Variants in DLG2 observed in about 807,000 individuals in gnomAD.
DLG2 encodes disks large homolog 2.
DLG2 carries 45 observed loss-of-function variants against 132.5 expected under a neutral mutation model. The observed-to-expected ratio is 0.34, with a 90% CI of 0.27 to 0.44. The LOEUF (loss-of-function observed/expected upper bound fraction) is 0.44, where lower values mean the gene tolerates loss of function less well. Among genes scored for constraint, DLG2 ranks in the 20% least tolerant of loss-of-function variants. DLG2 has a pLI of 1.00. For synonymous variants in DLG2, 424 were observed against 419.6 expected, an observed-to-expected ratio of 1.01 and a Z score of -0.13; for missense variants, 1,045 against 1,196.9, an observed-to-expected ratio of 0.87 and a Z score of 1.87.
intron 5 of DLG2, among the ~76,000 whole-genome samples, chr11:85,141,770 C>T (rs531162795): frequency 2.6e-5 from 4 of 151,586 alleles, no homozygotes; most frequent in South Asian, 2.1e-4. Flanking sequence ...TTTTTCTGCA[C>T]ATGGATATCC....
chr11:84,656,388 C>A (rs547927982), intron 6 of DLG2, among the ~76,000 whole-genome samples: 17 of 152,204 alleles, frequency 1.1e-4, no homozygotes, highest in Middle Eastern at 3.4e-3. Context: ...AAAGGCTACT[C>A]AGTATATTAA....
intron 4 of DLG2, among the ~76,000 whole-genome samples, chr11:85,234,201 G>A (rs767117017): frequency 1.3e-5 from 2 of 151,844 alleles, no homozygotes; most frequent in African/African-American, 2.4e-5. Flanking sequence ...AACAAACAGA[G>A]TCTAATATAA....
intron 7 of DLG2, among the ~76,000 whole-genome samples, chr11:84,252,853 G>A (rs1335956006): frequency 6.6e-6 from 1 of 152,150 alleles, no homozygotes; most frequent in Non-Finnish European, 1.5e-5. Context: ...ATACGACATG[G>A]TGGTTTTGGA....
At chr11:84,517,058 TA>T (rs36091027) in intron 7 of DLG2, among the ~76,000 whole-genome samples, 35,029 of 112,026 alleles carry the variant, frequency 0.31, 4,751 homozygotes, top group South Asian at 0.44. Flanking sequence ...TATTCTATCC[TA>T]AAAAAAAAAA....
chr11:83,721,713 T>C (rs1234653259), intron 18 of DLG2, among the ~76,000 whole-genome samples: 1 of 152,224 alleles, frequency 6.6e-6, no homozygotes, highest in African/African-American at 2.4e-5. Flanking sequence ...CAACGAATTA[T>C]AGAAGATACA....
chr11:84,027,065 T>C (rs7126654), intron 11 of DLG2, among the ~76,000 whole-genome samples: 1,826 of 152,084 alleles, frequency 0.012, 39 homozygotes, highest in African/African-American at 0.042. Context: ...TGCTAGGAGG[T>C]TCCCCAGCTA....
At chr11:84,956,811 A>T (rs2051745201) in intron 6 of DLG2, among the ~76,000 whole-genome samples, 2 of 152,222 alleles carry the variant, frequency 1.3e-5, no homozygotes, top group South Asian at 4.1e-4. Flanking sequence ...ACATGCTACC[A>T]TGTGAAGTAT....
intron 6 of DLG2, among the ~76,000 whole-genome samples, chr11:84,614,059 G>A (rs889827237): frequency 2.0e-5 from 3 of 152,194 alleles, no homozygotes; most frequent in African/African-American, 4.8e-5. Context: ...AACAGTTTCA[G>A]TGAAGTAAGA....
At chr11:83,971,853 A>C (rs2091407281) in intron 12 of DLG2, among the ~76,000 whole-genome samples, 1 of 152,196 alleles carries the variant, frequency 6.6e-6, no homozygotes, top group South Asian at 2.1e-4. Context: ...CTATTATAAT[A>C]AAATGTATTC....
At chr11:84,648,768 CAT>C (rs1491112955) in intron 6 of DLG2, among the ~76,000 whole-genome samples, 7 of 142,058 alleles carry the variant, frequency 4.9e-5, no homozygotes, top group East Asian at 4.0e-4. Context: ...TCTATATATA[CAT>C]GTGTGTGTAT....
intron 3 of DLG2, among the ~76,000 whole-genome samples, chr11:85,396,941 C>T (rs2087443358): frequency 6.6e-6 from 1 of 152,140 alleles, no homozygotes; most frequent in Non-Finnish European, 1.5e-5. Flanking sequence ...CACAAAGATA[C>T]TCCTCGAGAA....
chr11:85,415,339 T>C (rs917746347), intron 3 of DLG2, among the ~76,000 whole-genome samples: 3 of 152,228 alleles, frequency 2.0e-5, no homozygotes, highest in Non-Finnish European at 4.4e-5. Context: ...TGTGTCTTTA[T>C]AGTAGAATGA....
At chr11:85,058,498 C>T (rs2063695712) in intron 6 of DLG2, among the ~76,000 whole-genome samples, 1 of 151,450 alleles carries the variant, frequency 6.6e-6, no homozygotes, top group East Asian at 1.9e-4. Context: ...GAATTCACAA[C>T]CAAAATCGCA....
intron 15 of DLG2, among the ~76,000 whole-genome samples, chr11:83,922,085 T>C (rs888279115): frequency 5.9e-5 from 9 of 152,178 alleles, no homozygotes; most frequent in African/African-American, 2.2e-4. Flanking sequence ...GTCCTTTACA[T>C]TACAAAATGT....
At chr11:85,028,298 G>A (rs530570174) in intron 6 of DLG2, among the ~76,000 whole-genome samples, 3 of 152,246 alleles carry the variant, frequency 2.0e-5, no homozygotes, top group South Asian at 4.1e-4. Flanking sequence ...TGGTCCATGG[G>A]CAGCCAAGAG....
rs2060916745 is a variant in DLG2 at position 84,714,601 on chromosome 11, C to CTCTTTCTCTTTCTCTTTCTCTTTCTCTT, written c.358-179871_358-179870insAAGAGAAAGAGAAAGAGAAAGAGAAAGA. On this transcript the variant is annotated intron_variant, in intron 6 of 27. Coordinates refer to ENST00000376104, the MANE Select transcript of DLG2 (RefSeq NM_001142699.3). ...TTTCTCTTTCTCTTTCTCTTTCTTT[C>CTCTTTCTCTTTCTCTTTCTCTTTCTCTT]TCTTTCTCTTTCTCTTTCTCTTTCT... Among the ~76,000 whole-genome samples the CTCTTTCTCTTTCTCTTTCTCTTTCTCTT allele has an allele frequency of 4.2e-5, 4 of 95,538 alleles. No individual in the cohort carries two copies. The East Asian group carries it at 8.3e-4, about 20-fold the overall frequency. 62.7% of individuals were successfully genotyped at this position (95,538 alleles called of 152,430 possible). A position where few individuals can be genotyped will look rare whatever the true frequency, so the allele number is the denominator to read the frequency against.
At chr11:84,738,160 C>T (rs1040106631) in intron 6 of DLG2, among the ~76,000 whole-genome samples, 3 of 151,696 alleles carry the variant, frequency 2.0e-5, no homozygotes, top group Admixed American at 2.0e-4. Flanking sequence ...AAGAGCATCA[C>T]AAGAAAAAAT....
rs148598984 is a variant in DLG2 at position 85,594,636 on chromosome 11, CA to C, written c.40+4020del. 1.1e-3 allele frequency among the ~76,000 whole-genome samples: 165 copies of C among 152,008 alleles called. 2 individuals carry two copies. The highest frequency in any genetic ancestry group is 3.9e-3 in the African/African-American group (162 of 41,476). Reference sequence around the variant, plus strand: ...ATAACACATAATTTTCAATAAGTTACAAAAAACATTTGTGTTACATATCTAA... The same window carrying C: ...ATAACACATAATTTTCAATAAGTTACAAAAACATTTGTGTTACATATCTAA... On this transcript the variant is annotated intron_variant, in intron 3 of 27. Coordinates refer to ENST00000376104, the MANE Select transcript of DLG2 (RefSeq NM_001142699.3).
chr11:84,910,779 AC>A (rs2091985712), intron 6 of DLG2, among the ~76,000 whole-genome samples: 1 of 152,128 alleles, frequency 6.6e-6, no homozygotes, highest in Admixed American at 6.5e-5. Flanking sequence ...AACAACAACA[AC>A]AACAACAACA....
Sources: allele counts gnomAD v4.1 joint callset (sites outside exome capture counted in the v4.1 genomes callset), GRCh38; gene constraint gnomAD v4.1.1; transcripts MANE v1.5; gene names NCBI Gene and HGNC (gene_info 2026-07-23, HGNC 2026-07-21).